Variants in CLCNKB observed in about 807,000 individuals in gnomAD.
CLCNKB encodes the protein chloride voltage-gated channel Kb.
Under a neutral mutation model 83.8 loss-of-function variants are expected in CLCNKB, and 74 were observed. The ratio of observed to expected loss-of-function variants is 0.88; its 90% confidence interval spans 0.73 to 1.07. CLCNKB has a LOEUF of 1.07. Ranked by LOEUF, CLCNKB falls within the 50% of genes least tolerant of loss-of-function variation. CLCNKB has a pLI of 0.00. For missense variants in CLCNKB, 798 were observed against 893.6 expected (o/e 0.89, Z 1.36); for synonymous variants, 358 against 356.6 (o/e 1.00, Z -0.04).
At chr1:16,044,076 T>C (rs1303954200) in intron 1 of CLCNKB, among the ~76,000 whole-genome samples, 196 bp downstream of exon 1, 11 of 151,982 alleles carry the variant, frequency 7.2e-5, no homozygotes, top group Non-Finnish European at 1.5e-4. Context: ...GTCAGAGCCA[T>C]CCATGGGACT....
chr1:16,050,978 A>C lies in CLCNKB; in HGVS notation c.1157A>C (p.His386Pro), dbSNP rs1318776257. Residue 386 changes from histidine to proline, a missense_variant, in exon 12 of 20, where the codon CAC becomes CCC. By Grantham distance (77) the His-to-Pro change is moderately conservative. Coordinates refer to ENST00000375679, the MANE Select transcript of CLCNKB (RefSeq NM_000085.5). ...TGGCCCGAGGAGCTCGACCCCCAGCACCTGTGGTGGGAATGGTACCACCCG... is the reference window on the plus strand; with the variant it reads ...TGGCCCGAGGAGCTCGACCCCCAGCCCCTGTGGTGGGAATGGTACCACCCG... ...PPWPEELDPQHLWWEWYHPRF... is the reference protein window; with the variant it reads ...PPWPEELDPQPLWWEWYHPRF... 3 of 1,613,962 alleles carry C rather than the reference A, an allele frequency of 1.9e-6. No homozygotes were observed. The highest frequency in any genetic ancestry group is 2.5e-6 in the Non-Finnish European group (3 of 1,179,982).
chr1:16,047,705 G>A (rs1322312549), intron 4 of CLCNKB, among the ~76,000 whole-genome samples, 200 bp from the exon 5 acceptor site: 4 of 152,140 alleles, frequency 2.6e-5, no homozygotes, highest in African/African-American at 9.7e-5. Flanking sequence ...GGCAACTGAG[G>A]CTGCTGTAAG....
At position 16,050,659 on chromosome 1, in the gene CLCNKB, C is replaced by A. The variant is rs1339185431; in HGVS notation, c.1053+59C>A. On this transcript the variant is annotated intron_variant, in intron 11 of 19. Transcript: ENST00000375679. ...GAAGCCCTATTTGTTGCCTCCTTTG[C>A]GTGTATCTCACTTAATCCCCCCAAT... 7 of 1,557,590 alleles carry A rather than the reference C, an allele frequency of 4.5e-6. No homozygotes were observed. In the Admixed American group the frequency reaches 6.7e-5, roughly 15 times the overall value.
Position 16,053,661 on chromosome 1 carries a change from C to A in CLCNKB, c.1645C>A (p.His549Asn). Reference sequence around the variant, plus strand: ...CAGTTCCCACCGCGTGAGGGTGGAGCACTTCATGAACCACAGCATCACCAC... The same window carrying A: ...CAGTTCCCACCGCGTGAGGGTGGAGAACTTCATGAACCACAGCATCACCAC... ...NIGSHRVRVE[H>N]FMNHSITTLA... is the part of the protein sequence containing the mutation. Residue 549 changes from histidine (H) to asparagine (N), a missense_variant, in exon 16 of 20, where the codon CAC becomes AAC. His to Asn is a moderately conservative substitution (Grantham distance 68). Transcript: ENST00000375679. 6.2e-7 allele frequency: 1 copy of A among 1,613,992 alleles called. No individual in the cohort carries two copies. Among genetic ancestry groups the A allele is most frequent in the Non-Finnish European group, 8.5e-7 (1 of 1,180,046 alleles).
rs759799517 is a variant in CLCNKB at position 16,045,579 on chromosome 1, A to G, written c.122A>G (p.Gln41Arg). The stretch of plus-strand genomic sequence containing the variant: ...CCAGGTGGCCTGGAGTGGCTGAAGC[A>G]GAAGCTCTTCCGCCTGGGCGAGGAC... ...GIRGGLEWLK[Q>R]KLFRLGEDWY... The change falls in exon 3 of 20, where the codon CAG becomes CGG. Residue 41 changes from glutamine to arginine, a missense_variant. Transcript: ENST00000375679. 5.6e-6 allele frequency: 9 copies of G among 1,613,644 alleles called. No individual in the cohort carries two copies. In the South Asian group the frequency reaches 8.8e-5, roughly 16 times the overall value.
In CLCNKB at chr1:16,048,512, C is replaced by T; in HGVS notation, c.585C>T (p.Ser195=). 1 of 1,613,362 alleles carries T rather than the reference C, an allele frequency of 6.2e-7. No homozygotes were observed. The highest frequency in any genetic ancestry group is 8.5e-7 in the Non-Finnish European group (1 of 1,179,660). The change falls in exon 7 of 20, where the codon AGC becomes AGT. Residue 195 remains serine, a synonymous_variant. Coordinates refer to ENST00000375679, the MANE Select transcript of CLCNKB (RefSeq NM_000085.5). The part of the protein sequence containing the change: ...TTTIGEPENK[S]KQNEMLVAAA... ...GGACTCGGATCCCCCAGAACAAGAG[C>T]AAGCAAAACGAAATGCTGGTGGCAG...
At position 16,049,876 on chromosome 1, in the gene CLCNKB, A is replaced by T; in HGVS notation, c.928A>T (p.Ile310Phe). The change falls in exon 10 of 20, where the codon ATC (isoleucine) becomes TTC (phenylalanine). Residue 310 changes from isoleucine (I) to phenylalanine (F), a missense_variant. By Grantham distance (21) the Ile-to-Phe change is conservative (BLOSUM62 0). Transcript: ENST00000375679. ...LFCQRIFFGFIRNNRFSSKLL... is the reference protein window; with the variant it reads ...LFCQRIFFGFFRNNRFSSKLL... ...CTGTCAGCGAATCTTCTTTGGCTTC[A>T]TCAGGAACAATAGGTTCAGCTCCAA... 6.2e-7 allele frequency: 1 copy of T among 1,613,882 alleles called. No homozygotes were observed. Among genetic ancestry groups the T allele is most frequent in the Non-Finnish European group, 8.5e-7 (1 of 1,179,928 alleles).
At chr1:16,048,179 G>T in intron 5 of CLCNKB, 135 bp downstream of exon 5, 5 of 1,439,272 alleles carry the variant, frequency 3.5e-6, no homozygotes, top group Non-Finnish European at 4.8e-6. Context: ...AGTCTTGGGG[G>T]AAGAGGCAGG....
chr1:16,047,612 T>C lies in CLCNKB; in HGVS notation c.359-293T>C, dbSNP rs574834968. ...GCAACATAGCTAGACTCCATCTCTT[T>C]AGAAAAATAAGGTGGGCGAAGTGGT... On this transcript the variant is annotated intron_variant, in intron 4 of 19. Coordinates refer to ENST00000375679, the MANE Select transcript of CLCNKB (RefSeq NM_000085.5). 2.6e-5 allele frequency among the ~76,000 whole-genome samples: 4 copies of C among 152,016 alleles called. No individual in the cohort carries two copies. The South Asian group carries it at 8.3e-4, about 32-fold the overall frequency.
chr1:16,047,893 A>C lies in CLCNKB; in HGVS notation c.359-12A>C, dbSNP rs774046907. On this transcript the variant is annotated splice_polypyrimidine_tract_variant and intron_variant, in intron 4 of 19. Transcript: ENST00000375679. ...GATTGTCCCCCTCCTGGCCCTGCCC[A>C]CCCCCGCCAAGGTTCTGGAATCCCG... 5 of 1,612,862 alleles carry C rather than the reference A, an allele frequency of 3.1e-6. No homozygotes were observed. The highest frequency in any genetic ancestry group is 3.4e-6 in the Non-Finnish European group (4 of 1,179,902).
At chr1:16,048,716 G>T in intron 7 of CLCNKB, 134 bp downstream of exon 7, 1 of 1,493,906 alleles carries the variant, frequency 6.7e-7, no homozygotes, top group Non-Finnish European at 8.9e-7. Context: ...CCCGCCTTGG[G>T]CACAGCCACC....
intron 17 of CLCNKB, 40 bp downstream of exon 17, chr1:16,055,563 G>C: frequency 6.7e-7 from 1 of 1,493,940 alleles, no homozygotes; most frequent in Non-Finnish European, 9.3e-7. Flanking sequence ...GGCGGGGGTG[G>C]GTCAGCAGGA....
chr1:16,049,078 G>T (rs779134900), intron 7 of CLCNKB, 42 bp from the exon 8 acceptor site: 1 of 1,613,412 alleles, frequency 6.2e-7, no homozygotes, highest in African/African-American at 1.3e-5. Context: ...GTCACAGGTG[G>T]GTGGGGGTGG....
intron 7 of CLCNKB, 74 bp from the exon 8 acceptor site, chr1:16,049,046 G>C: frequency 6.2e-7 from 1 of 1,612,548 alleles, no homozygotes; most frequent in South Asian, 1.1e-5. Context: ...GGGAGGAGGT[G>C]ACATGGGGAG....
At chr1:16,049,303 C>G (rs1005193759) in intron 8 of CLCNKB, 58 bp downstream of exon 8, 10 of 1,605,912 alleles carry the variant, frequency 6.2e-6, no homozygotes, top group Non-Finnish European at 8.5e-6. Context: ...CGAGGGGGCC[C>G]TCCCTTCTCC....
At position 16,056,932 on chromosome 1, in the gene CLCNKB, T is replaced by C. The variant is rs769722267; in HGVS notation, c.*16T>C. ...CCCAAAGTGAGCCGGCCCAGCAAGA[T>C]GAAACAGGGCACCCCAGCTGACCTG... On this transcript the variant is annotated 3_prime_UTR_variant, in exon 20 of 20. Transcript: ENST00000375679. 9.4e-6 allele frequency: 15 copies of C among 1,594,636 alleles called. No individual in the cohort carries two copies. The highest frequency in any genetic ancestry group is 1.2e-5 in the Non-Finnish European group (14 of 1,169,024).
intron 8 of CLCNKB, 146 bp from the exon 9 acceptor site, chr1:16,049,472 G>A: frequency 6.5e-7 from 1 of 1,533,658 alleles, no homozygotes; most frequent in Non-Finnish European, 8.9e-7. Flanking sequence ...AGGGAGGCAG[G>A]AGCCTGGTTG....
In CLCNKB at chr1:16,046,598, T is replaced by C. The variant is rs1423398406; in HGVS notation, c.293T>C (p.Val98Ala). 2 of 1,614,054 alleles carry C rather than the reference T, an allele frequency of 1.2e-6. No homozygotes were observed. Among genetic ancestry groups the C allele is most frequent in the African/African-American group, 1.3e-5 (1 of 74,912 alleles). The change falls in exon 4 of 20, where the codon GTG becomes GCG. Residue 98 changes from valine (V) to alanine (A), a missense_variant. Coordinates refer to ENST00000375679, the MANE Select transcript of CLCNKB (RefSeq NM_000085.5). ...SHLLRYLSWTVYPVALVSFSS... is the reference protein window; with the variant it reads ...SHLLRYLSWTAYPVALVSFSS... ...CTGCTCCGGTATCTCTCCTGGACTGTGTACCCTGTGGCCCTCGTCTCTTTC... is the reference window on the plus strand; with the variant it reads ...CTGCTCCGGTATCTCTCCTGGACTGCGTACCCTGTGGCCCTCGTCTCTTTC...
rs1388405089 is a variant in CLCNKB, at chr1:16,049,649, C to T, written c.813C>T (p.Phe271=). ...TCACCTCCCTCTACAAGACCAGTTT[C>T]CGGGTGGACGTTCCCTTCGACCTGC... ...ETITSLYKTS[F]RVDVPFDLPE... The change falls in exon 9 of 20, where the codon TTC becomes TTT. Residue 271 remains phenylalanine, a synonymous_variant. Coordinates refer to ENST00000375679, the MANE Select transcript of CLCNKB (RefSeq NM_000085.5). 2.5e-6 allele frequency: 4 copies of T among 1,609,484 alleles called. No individual in the cohort carries two copies. The highest frequency in any genetic ancestry group is 4.5e-5 in the East Asian group (2 of 44,788).
Sources: allele counts gnomAD v4.1 joint callset (sites outside exome capture counted in the v4.1 genomes callset), GRCh38; gene constraint gnomAD v4.1.1; transcripts MANE v1.5; gene names NCBI Gene and HGNC (gene_info 2026-07-23, HGNC 2026-07-21).